CACNA1E: variants seen among roughly 807,000 people sequenced by gnomAD.
The protein encoded by CACNA1E is voltage-dependent R-type calcium channel subunit alpha-1E.
A neutral mutation model predicts 259.2 loss-of-function variants in CACNA1E; 40 were observed. That is an observed-to-expected ratio of 0.15 (90% CI 0.12 to 0.20). The LOEUF is 0.20. Among genes scored for constraint, CACNA1E ranks in the 10% least tolerant of loss-of-function variants. The pLI, the probability that CACNA1E is intolerant of heterozygous loss-of-function variation, is 1.00. For synonymous variants in CACNA1E, 1,104 were observed against 1,138.5 expected, an observed-to-expected ratio of 0.97 and a Z score of 0.61; for missense variants, 1,874 against 3,040.1, an observed-to-expected ratio of 0.62 and a Z score of 9.02.
chr1:181,725,030 A>C (rs1252341512), intron 17 of CACNA1E, among the ~76,000 whole-genome samples: 1 of 152,142 alleles, frequency 6.6e-6, no homozygotes, highest in Non-Finnish European at 1.5e-5. Context: ...CCAGATACTA[A>C]ATTTCTCACA....
intron 28 of CACNA1E, 69 bp from the exon 29 acceptor site, chr1:181,755,887 A>C: frequency 1.3e-6 from 2 of 1,493,284 alleles, no homozygotes; most frequent in East Asian, 4.6e-5. Context: ...CGGCCTGTAG[A>C]ATGTGCTGAC....
chr1:181,780,030 C>CTA (rs1660291323), intron 38 of CACNA1E, among the ~76,000 whole-genome samples: 3 of 152,262 alleles, frequency 2.0e-5, no homozygotes, highest in East Asian at 3.9e-4. Flanking sequence ...CCTAGTGATC[C>CTA]CACCCTCCCA....
rs1662571869 is a variant in CACNA1E at position 181,805,566 on chromosome 1, C to T, written c.*6732C>T. On this transcript the variant is annotated 3_prime_UTR_variant, in exon 48 of 48. Transcript: ENST00000367573. ...CAGATCCCAGTGGAGTTAGTAAAAA[C>T]ATAGGTATTGAGTTTTAATGGCTAC... 1 of 152,188 alleles carries T rather than the reference C, an allele frequency of 6.6e-6. No individual in the cohort carries two copies. Among genetic ancestry groups the T allele is most frequent in the South Asian group, 2.1e-4 (1 of 4,832 alleles). The allele number at this position is 152,188 out of a possible 1,614,324, so 9.4% of individuals were successfully genotyped here. A position where few individuals can be genotyped will look rare whatever the true frequency, so the allele number is the denominator to read the frequency against.
chr1:181,551,185 A>G (rs890344622), intron 3 of CACNA1E, among the ~76,000 whole-genome samples: 3 of 152,186 alleles, frequency 2.0e-5, no homozygotes, highest in African/African-American at 4.8e-5. Context: ...AGGTGGTGTC[A>G]GGGCATCCTG....
chr1:181,565,278 G>T (rs1223599993), intron 3 of CACNA1E, among the ~76,000 whole-genome samples: 2 of 152,202 alleles, frequency 1.3e-5, no homozygotes, highest in African/African-American at 2.4e-5. Flanking sequence ...TCAGGGAAAT[G>T]ATGTTTCACA....
intron 2 of CACNA1E, among the ~76,000 whole-genome samples, chr1:181,432,627 T>C (rs1237816273): frequency 6.6e-6 from 1 of 152,038 alleles, no homozygotes; most frequent in Non-Finnish European, 1.5e-5. Context: ...GAATTAAACA[T>C]TTGATGTGTA....
chr1:181,358,313 G>A (rs1653609577), intron 1 of CACNA1E, among the ~76,000 whole-genome samples: 1 of 152,124 alleles, frequency 6.6e-6, no homozygotes, highest in Admixed American at 6.5e-5. Context: ...ACCTTTTTCT[G>A]GAGACTTAGC....
intron 1 of CACNA1E, among the ~76,000 whole-genome samples, chr1:181,347,658 G>A (rs1652707243): frequency 6.6e-6 from 1 of 152,172 alleles, no homozygotes. Context: ...CTTTATTCAC[G>A]TTGCGTGTTT....
At chr1:181,587,546 G>A (rs1652187755) in intron 6 of CACNA1E, among the ~76,000 whole-genome samples, 1 of 152,168 alleles carries the variant, frequency 6.6e-6, no homozygotes, top group Admixed American at 6.6e-5. Flanking sequence ...CGGAGAAACC[G>A]TGAAAAGGGA....
intron 6 of CACNA1E, among the ~76,000 whole-genome samples, chr1:181,587,738 C>T (rs1652215244): frequency 6.6e-6 from 1 of 152,110 alleles, no homozygotes; most frequent in African/African-American, 2.4e-5. Flanking sequence ...AAAAAAATAG[C>T]CGGGCGCAGT....
In CACNA1E at chr1:181,717,314, C is replaced by T. The variant is rs775086557; in HGVS notation, c.1525+12C>T. The T allele has an allele frequency of 1.5e-5, 24 of 1,608,892 alleles. No homozygotes were observed. The South Asian group carries it at 2.4e-4, about 16-fold the overall frequency. On this transcript the variant is annotated intron_variant, in intron 11 of 47. Transcript: ENST00000367573. ...CACCCACCTCCTCTGTAAGTAAAGC[C>T]TCTCTCTAAAGCCTCCTCTGCTGGT...
intron 3 of CACNA1E, among the ~76,000 whole-genome samples, chr1:181,520,346 CAATA>C (rs71683897): frequency 0.12 from 18,847 of 151,662 alleles, 1,256 homozygotes; most frequent in South Asian, 0.16. Flanking sequence ...TTTTGCAAAA[CAATA>C]AAGCAAAATA....
chr1:181,737,192 C>T (rs1409106342), intron 22 of CACNA1E, among the ~76,000 whole-genome samples: 3 of 152,204 alleles, frequency 2.0e-5, no homozygotes, highest in Non-Finnish European at 2.9e-5. Context: ...AGTTTCCTTT[C>T]AGTGGGAGAG....
At chr1:181,434,849 G>A (rs75764057) in intron 2 of CACNA1E, among the ~76,000 whole-genome samples, 3,004 of 152,302 alleles carry the variant, frequency 0.02, 114 homozygotes, top group African/African-American at 0.067. Flanking sequence ...TCCGTGCAGC[G>A]GAGGGATGCC....
At position 181,771,247 on chromosome 1, in the gene CACNA1E, C is replaced by T. The variant is rs758407567; in HGVS notation, c.4882-46C>T. 25 of 1,104,646 alleles carry T rather than the reference C, an allele frequency of 2.3e-5. No homozygotes were observed. In the African/African-American group the frequency reaches 3.7e-4, roughly 16 times the overall value. The allele number at this position is 1,104,646 out of a possible 1,614,324, so 68.4% of individuals were successfully genotyped here. A position where few individuals can be genotyped will look rare whatever the true frequency, so the allele number is the denominator to read the frequency against. On this transcript the variant is annotated intron_variant, in intron 35 of 47. Transcript: ENST00000367573. Reference sequence around the variant, plus strand: ...CAACCCTCATGTGCTGGACACATCACACAGCTTGGTAATGCTCACTGTTTT... The same window carrying T: ...CAACCCTCATGTGCTGGACACATCATACAGCTTGGTAATGCTCACTGTTTT...
At chr1:181,441,569 G>GTT (rs1660479178) in intron 2 of CACNA1E, among the ~76,000 whole-genome samples, 1 of 152,224 alleles carries the variant, frequency 6.6e-6, no homozygotes, top group Non-Finnish European at 1.5e-5. Flanking sequence ...GAAATTCCAA[G>GTT]TTTGCTCTGT....
chr1:181,362,855 T>C (rs1417893928), intron 1 of CACNA1E, among the ~76,000 whole-genome samples: 1 of 152,238 alleles, frequency 6.6e-6, no homozygotes, highest in Non-Finnish European at 1.5e-5. Flanking sequence ...CAGACTTGTT[T>C]GCAGTTTTGC....
In CACNA1E at chr1:181,375,440, T is replaced by C. The variant is rs996590023; in HGVS notation, c.-14-37693T>C. Among the ~76,000 whole-genome samples the C allele has an allele frequency of 2.0e-5, 3 of 152,196 alleles. No homozygotes were observed. The East Asian group carries it at 5.8e-4, about 29-fold the overall frequency. On this transcript the variant is annotated intron_variant, in intron 1 of 11. Coordinates refer to the CACNA1E transcript ENST00000524607. ...TTGAGCCAAGACCTCTGGGGATATC[T>C]GATAGAGTCTGCTAAGAGGAGAAAC...
chr1:181,548,486 A>G (rs1169485264), intron 3 of CACNA1E, among the ~76,000 whole-genome samples: 1 of 151,754 alleles, frequency 6.6e-6, no homozygotes, highest in Admixed American at 6.6e-5. Context: ...TTATGAACAG[A>G]CTCCTGCCTC....
Sources: gnomAD v4.1 joint callset for allele counts (sites outside exome capture counted in the v4.1 genomes callset) on GRCh38, gnomAD v4.1.1 for gene constraint, MANE v1.5 for transcripts, NCBI Gene and HGNC (gene_info 2026-07-23, HGNC 2026-07-21) for gene names.